Variants in CACNA1C observed in about 807,000 individuals in gnomAD.
CACNA1C encodes the protein calcium voltage-gated channel subunit alpha1 C, also known as voltage-dependent L-type calcium channel subunit alpha-1C.
In CACNA1C, 30 loss-of-function variants were observed where a neutral mutation model predicts 229.0. The observed-to-expected ratio is 0.13, with a 90% CI of 0.10 to 0.18. The LOEUF (loss-of-function observed/expected upper bound fraction) is 0.18. Ranked by LOEUF, CACNA1C falls within the 10% of genes least tolerant of loss-of-function variation. The pLI, the probability that CACNA1C is intolerant of heterozygous loss-of-function variation, is 1.00. For synonymous variants in CACNA1C, 1,114 were observed against 1,132.5 expected, an observed-to-expected ratio of 0.98 and a Z score of 0.33; for missense variants, 1,658 against 2,845.0, an observed-to-expected ratio of 0.58 and a Z score of 9.49.
At chr12:2,361,490 C>T (rs1387968790) in intron 3 of CACNA1C, among the ~76,000 whole-genome samples, 1 of 152,106 alleles carries the variant, frequency 6.6e-6, no homozygotes, top group Non-Finnish European at 1.5e-5. Context: ...TCCCTTCCTC[C>T]CTTCATTTCT....
rs541394127 is a variant in CACNA1C at position 2,274,865 on chromosome 12, G to A, written c.477+154435G>A. On this transcript the variant is annotated intron_variant, in intron 3 of 46. Transcript: ENST00000399655. Reference sequence around the variant, plus strand: ...CCAGGCTGGCTGGTGTGGGGCCCCGGCTGGGATGAGACAGTGTCTTCAAGT... The same window carrying A: ...CCAGGCTGGCTGGTGTGGGGCCCCGACTGGGATGAGACAGTGTCTTCAAGT... Among the ~76,000 whole-genome samples, 3 of 152,168 alleles carry A rather than the reference G, an allele frequency of 2.0e-5. No individual in the cohort carries two copies. In the South Asian group the frequency reaches 6.2e-4, roughly 32 times the overall value.
intron 3 of CACNA1C, among the ~76,000 whole-genome samples, chr12:2,176,762 A>G (rs1007116507): frequency 6.6e-6 from 1 of 152,202 alleles, no homozygotes; most frequent in African/African-American, 2.4e-5. Context: ...CTACATGTCC[A>G]TCACCCCAGA....
intron 4 of CACNA1C, 138 bp from the exon 5 acceptor site, chr12:2,457,429 C>T (rs987021255): frequency 5.5e-5 from 44 of 804,820 alleles, no homozygotes; most frequent in South Asian, 1.5e-4. Flanking sequence ...ACAGACTCCA[C>T]GCACACCCAC....
intron 8 of CACNA1C, among the ~76,000 whole-genome samples, chr12:2,505,361 C>G (rs1461859910): frequency 6.6e-6 from 1 of 152,080 alleles, no homozygotes; most frequent in Non-Finnish European, 1.5e-5. Context: ...GTTTCCTTTT[C>G]TGAATGGAAA....
Position 2,479,966 on chromosome 12 carries a change from G to C in CACNA1C, c.758-6138G>C, listed in dbSNP as rs1235843938. ...AAGCCAGCAGAGTAGAGGACCCCTG[G>C]CCTAATGCTGTCCTTCCCCTGCCCC... On this transcript the variant is annotated intron_variant, in intron 5 of 46. Coordinates refer to ENST00000399655, the MANE Select transcript of CACNA1C (RefSeq NM_000719.7). The surrounding 1 kb of genome is among the most constrained non-coding windows in gnomAD (Gnocchi z 4.3). Among the ~76,000 whole-genome samples the C allele has an allele frequency of 1.3e-5, 2 of 152,176 alleles. No individual in the cohort carries two copies. Among genetic ancestry groups the C allele is most frequent in the African/African-American group, 4.8e-5 (2 of 41,432 alleles).
Position 2,679,152 on chromosome 12 carries a change from C to T in CACNA1C, c.5092-292C>T, listed in dbSNP as rs537245941. On this transcript the variant is annotated intron_variant, in intron 41 of 46. Transcript: ENST00000399655. The surrounding 1 kb of genome is among the most constrained non-coding windows in gnomAD (Gnocchi z 5.5). Reference sequence around the variant, plus strand: ...TTCACTGGAAACCTCCAGGGCAGCTCGTACCAGCGGCAGCCCCTTGCCCAA... The same window carrying T: ...TTCACTGGAAACCTCCAGGGCAGCTTGTACCAGCGGCAGCCCCTTGCCCAA... Among the ~76,000 whole-genome samples, 11 of 152,340 alleles carry T rather than the reference C, an allele frequency of 7.2e-5. No homozygotes were observed. In the South Asian group the frequency reaches 8.3e-4, roughly 11 times the overall value.
At chr12:2,074,480 G>C (rs1324855106) in intron 1 of CACNA1C, among the ~76,000 whole-genome samples, 1 of 152,174 alleles carries the variant, frequency 6.6e-6, no homozygotes, top group Non-Finnish European at 1.5e-5. Flanking sequence ...TGAATGGCAA[G>C]TCTGAGCAGG....
At chr12:2,620,814 C>T (rs984490397) in intron 29 of CACNA1C, among the ~76,000 whole-genome samples, 2 of 152,158 alleles carry the variant, frequency 1.3e-5, no homozygotes, top group South Asian at 2.1e-4. Context: ...TCATCAATGG[C>T]GGGAGCTGTT....
chr12:2,429,781 CA>C (rs1195720446), intron 3 of CACNA1C, among the ~76,000 whole-genome samples: 6 of 152,070 alleles, frequency 3.9e-5, no homozygotes, highest in Admixed American at 6.6e-5. Flanking sequence ...TTCTATGGGC[CA>C]AAACACCAGC....
chr12:2,456,766 C>CA (rs1254180535), intron 4 of CACNA1C, among the ~76,000 whole-genome samples: 1 of 152,236 alleles, frequency 6.6e-6, no homozygotes, highest in African/African-American at 2.4e-5. Context: ...TCCTCCTCCT[C>CA]AGCACTCATC....
intron 3 of CACNA1C, among the ~76,000 whole-genome samples, chr12:2,241,429 C>T (rs1303916974): frequency 6.6e-6 from 1 of 152,112 alleles, no homozygotes; most frequent in East Asian, 1.9e-4. Context: ...CCCCCCTTGT[C>T]CCAGAGTGTG....
At chr12:2,225,580 C>T (rs946766166) in intron 3 of CACNA1C, among the ~76,000 whole-genome samples, 7 of 152,124 alleles carry the variant, frequency 4.6e-5, no homozygotes, top group East Asian at 1.9e-4. Flanking sequence ...TCCTAGTGGG[C>T]GGAGTGGGGA....
chr12:2,571,928 C>G (rs1454000927), intron 13 of CACNA1C, among the ~76,000 whole-genome samples: 1 of 152,088 alleles, frequency 6.6e-6, no homozygotes, highest in Admixed American at 6.5e-5. Flanking sequence ...AATGGGTCAT[C>G]TGTGCATGGT....
chr12:2,410,309 C>G lies in CACNA1C; in HGVS notation c.478-38667C>G, dbSNP rs968924586. 3.3e-5 allele frequency among the ~76,000 whole-genome samples: 5 copies of G among 152,184 alleles called. No homozygotes were observed. The highest frequency in any genetic ancestry group is 7.3e-5 in the Non-Finnish European group (5 of 68,038). ...ACCACCCATTTTTGGAAACACAACC[C>G]TGGCCTCCCATTCACAGCAGAAAAG... On this transcript the variant is annotated intron_variant, in intron 3 of 46. Transcript: ENST00000399655. This position sits in a 1 kb window ranked among gnomAD's most constrained non-coding sequence, Gnocchi z 5.3.
intron 3 of CACNA1C, among the ~76,000 whole-genome samples, chr12:2,358,726 C>T (rs2097464123): frequency 6.6e-6 from 1 of 152,170 alleles, no homozygotes; most frequent in African/African-American, 2.4e-5. Context: ...GTGCGCACGC[C>T]CACATGGCTG....
chr12:2,079,267 C>G (rs956179879), intron 1 of CACNA1C, among the ~76,000 whole-genome samples: 3 of 151,934 alleles, frequency 2.0e-5, no homozygotes, highest in Admixed American at 2.0e-4. Flanking sequence ...TACCCTAAAA[C>G]TTAAAATATA....
intron 3 of CACNA1C, among the ~76,000 whole-genome samples, chr12:2,415,889 C>T (rs2098887699): frequency 6.6e-6 from 1 of 152,224 alleles, no homozygotes; most frequent in Admixed American, 6.5e-5. Flanking sequence ...CACCCCTTCC[C>T]CGCATTTCCC....
intron 2 of CACNA1C, among the ~76,000 whole-genome samples, chr12:2,117,121 A>T (rs1465188396): frequency 6.6e-6 from 1 of 152,166 alleles, no homozygotes; most frequent in East Asian, 1.9e-4. Context: ...TAATACAAAA[A>T]TTAGCCAGGC....
chr12:2,612,298 G>A, intron 29 of CACNA1C: 1 of 361,454 alleles, frequency 2.8e-6, no homozygotes, highest in Non-Finnish European at 5.1e-6. Context: ...GGAGAGGCAG[G>A]TGATGGTCTT....
Sources: gnomAD v4.1 joint callset for allele counts (sites outside exome capture counted in the v4.1 genomes callset) on GRCh38, gnomAD v4.1.1 for gene constraint, Gnocchi (gnomAD v3.1) non-coding constraint, MANE v1.5 for transcripts, NCBI Gene and HGNC (gene_info 2026-07-23, HGNC 2026-07-21) for gene names.